Variants in CCNL2 observed in about 807,000 individuals in gnomAD.
CCNL2 encodes cyclin L2.
CCNL2 carries 28 observed loss-of-function variants against 59.1 expected under a neutral mutation model. That is an observed-to-expected ratio of 0.47 (90% CI 0.35 to 0.65). The LOEUF (loss-of-function observed/expected upper bound fraction) is 0.65. Ranked by LOEUF, CCNL2 falls within the 30% of genes least tolerant of loss-of-function variation. The pLI, the probability that CCNL2 is intolerant of heterozygous loss-of-function variation, is 0.00. For synonymous variants in CCNL2, 342 were observed against 288.6 expected, an observed-to-expected ratio of 1.19 and a Z score of -1.88; for missense variants, 714 against 717.4, an observed-to-expected ratio of 1.00 and a Z score of 0.05.
intron 5 of CCNL2, chr1:1,391,662 A>C: frequency 1.4e-6 from 1 of 710,474 alleles, no homozygotes; most frequent in Non-Finnish European, 2.1e-6. Flanking sequence ...TGAACATTTC[A>C]TCACAGTACA....
Position 1,399,320 on chromosome 1 carries a change from C to A in CCNL2, c.-14G>T. On this transcript the variant is annotated 5_prime_UTR_variant, in exon 1 of 11. Coordinates refer to ENST00000400809, the MANE Select transcript of CCNL2 (RefSeq NM_030937.6). ...CGCCGCCGCCATTTTGTGCCGCCGA[C>A]TCCCCTTCGGCTTCTTCCCTCAGGG... 7.0e-7 allele frequency: 1 copy of A among 1,437,904 alleles called. No individual in the cohort carries two copies. Among genetic ancestry groups the A allele is most frequent in the Non-Finnish European group, 9.1e-7 (1 of 1,104,946 alleles). 89.1% of individuals were successfully genotyped at this position (1,437,904 alleles called of 1,614,324 possible).
intron 4 of CCNL2, among the ~76,000 whole-genome samples, chr1:1,393,946 G>C (rs758402997): frequency 6.6e-6 from 1 of 152,074 alleles, no homozygotes; most frequent in Admixed American, 6.6e-5. Flanking sequence ...GACCAATATG[G>C]AGAAACCCAG....
At position 1,387,026 on chromosome 1, in the gene CCNL2, T is replaced by G. The variant is rs1199201092; in HGVS notation, c.*205A>C. 18 of 556,668 alleles carry G rather than the reference T, an allele frequency of 3.2e-5. No homozygotes were observed. Among genetic ancestry groups the G allele is most frequent in the Non-Finnish European group, 5.4e-5 (17 of 315,050 alleles). 34.5% of individuals were successfully genotyped at this position (556,668 alleles called of 1,614,324 possible). On this transcript the variant is annotated 3_prime_UTR_variant, in exon 11 of 11. Coordinates refer to ENST00000400809, the MANE Select transcript of CCNL2 (RefSeq NM_030937.6). The stretch of plus-strand genomic sequence containing the variant: ...GTGTGCGCCGCACCCCAGACCGGTC[T>G]GAAGCACGTGTCACCGGTCCCTCAG...
intron 1 of CCNL2, 149 bp downstream of exon 1, chr1:1,398,870 C>A (rs1021677495): frequency 1.4e-6 from 2 of 1,385,682 alleles, no homozygotes; most frequent in African/African-American, 1.5e-5. Flanking sequence ...GGGGCATGGG[C>A]TGGCTAGGGA....
chr1:1,391,915 T>G (rs1157646921), intron 5 of CCNL2: 1 of 229,784 alleles, frequency 4.4e-6, no homozygotes, highest in Admixed American at 5.5e-5. Context: ...CGGGGAGCCT[T>G]GGAGTGGGGC....
rs765606459 is a variant in CCNL2 at position 1,387,819 on chromosome 1, C to T, written c.1169G>A (p.Ser390Asn). 3 of 1,613,400 alleles carry T rather than the reference C, an allele frequency of 1.9e-6. No homozygotes were observed. The highest frequency in any genetic ancestry group is 2.5e-6 in the Non-Finnish European group (3 of 1,179,870). Residue 390 changes from serine to asparagine, a missense_variant, in exon 10 of 11, where the codon AGC (serine) becomes AAC (asparagine). Coordinates refer to ENST00000400809, the MANE Select transcript of CCNL2 (RefSeq NM_030937.6). ...SRSRSRSREQSYSRSPSRSAS... is the reference protein window; with the variant it reads ...SRSRSRSREQNYSRSPSRSAS... ...TGATCGGGATGGGGACCTCGAGTAG[C>T]TCTGCTCACGGCTCCGGCTCCGACT...
intron 5 of CCNL2, chr1:1,393,176 G>T: frequency 3.4e-6 from 2 of 589,056 alleles, no homozygotes; most frequent in Non-Finnish European, 6.0e-6. Context: ...GGGGACACAG[G>T]AAGTCCAGGC....
chr1:1,396,693 C>T (rs1645049252), intron 3 of CCNL2, among the ~76,000 whole-genome samples: 1 of 150,892 alleles, frequency 6.6e-6, no homozygotes, highest in African/African-American at 2.4e-5. Flanking sequence ...GATTCTCCTG[C>T]CTCACCCTCC....
At chr1:1,388,261 G>A (rs909242867) in intron 8 of CCNL2, 196 bp from the exon 9 acceptor site, 33 of 580,532 alleles carry the variant, frequency 5.7e-5, no homozygotes, top group South Asian at 4.0e-4. Context: ...GGGGGCTCAC[G>A]CCTGTGAGCC....
Position 1,386,988 on chromosome 1 carries a change from T to TG in CCNL2, c.*242dup. On this transcript the variant is annotated 3_prime_UTR_variant, in exon 11 of 11. Transcript: ENST00000400809. ...TCAGAGCTGCTGCCGAGCTGAGCCC[T>TG]GCACGGGCCCAGGTGTGCGCCGCAC... The TG allele has an allele frequency of 2.2e-6, 1 of 459,270 alleles. No individual in the cohort carries two copies. Among genetic ancestry groups the TG allele is most frequent in the Non-Finnish European group, 3.9e-6 (1 of 259,554 alleles). 28.4% of individuals were successfully genotyped at this position (459,270 alleles called of 1,614,324 possible). A position where few individuals can be genotyped will look rare whatever the true frequency, so the allele number is the denominator to read the frequency against.
At chr1:1,392,300 A>G in intron 5 of CCNL2, 2 of 970,182 alleles carry the variant, frequency 2.1e-6, no homozygotes, top group Non-Finnish European at 2.5e-6. Context: ...ATATAAACTT[A>G]TTGCTGTATT....
At chr1:1,393,258 A>G (rs1431094955) in intron 5 of CCNL2, 138 bp downstream of exon 5, 2 of 718,520 alleles carry the variant, frequency 2.8e-6, no homozygotes, top group Non-Finnish European at 5.0e-6. Context: ...GAATTTATAC[A>G]GCAGGAGCAC....
At chr1:1,390,593 CTT>C (rs778813125) in intron 6 of CCNL2, 30 bp from the exon 7 acceptor site, 1 of 1,567,170 alleles carries the variant, frequency 6.4e-7, no homozygotes, top group Non-Finnish European at 8.8e-7. Context: ...CATCATTACA[CTT>C]TCCTCAACTT....
Position 1,390,451 on chromosome 1 carries a change from C to T in CCNL2, c.864+8G>A, listed in dbSNP as rs377432437. ...ACGCATACGTTACATGAAAAAATGCCGAAGAACCTTTTTCCGAGCATAAAG... is the reference window on the plus strand; with the variant it reads ...ACGCATACGTTACATGAAAAAATGCTGAAGAACCTTTTTCCGAGCATAAAG... On this transcript the variant is annotated splice_region_variant and intron_variant, in intron 7 of 10. Coordinates refer to ENST00000400809, the MANE Select transcript of CCNL2 (RefSeq NM_030937.6). The T allele has an allele frequency of 1.1e-5, 18 of 1,612,450 alleles. No individual in the cohort carries two copies. The highest frequency in any genetic ancestry group is 2.2e-5 in the East Asian group (1 of 44,888).
At chr1:1,398,452 A>G (rs536442650) in intron 2 of CCNL2, 110 bp from the exon 3 acceptor site, 75 of 1,536,646 alleles carry the variant, frequency 4.9e-5, no homozygotes, top group South Asian at 7.3e-5. Context: ...CACCCAGGGG[A>G]AAAAAAAAGT....
At chr1:1,393,501 A>C in intron 4 of CCNL2, 41 bp from the exon 5 acceptor site, 1 of 1,562,882 alleles carries the variant, frequency 6.4e-7, no homozygotes, top group Non-Finnish European at 8.8e-7. Flanking sequence ...AAGAACCTTA[A>C]GAGCCCAGAA....
chr1:1,396,683 G>A (rs1024931858), intron 3 of CCNL2, among the ~76,000 whole-genome samples: 8 of 143,766 alleles, frequency 5.6e-5, no homozygotes, highest in African/African-American at 1.8e-4. Flanking sequence ...CGGTTCCAGC[G>A]ATTCTCCTGC....
Position 1,387,374 on chromosome 1 carries a change from GTGACC to G in CCNL2, c.1415_1419del (p.Arg472ThrfsTer6). The G allele has an allele frequency of 6.2e-7, 1 of 1,614,178 alleles. No homozygotes were observed. Among genetic ancestry groups the G allele is most frequent in the Non-Finnish European group, 8.5e-7 (1 of 1,180,042 alleles). Reference sequence around the variant, plus strand: ...TTTCCCGGATTATCCGCCCGCTCCCGTGACCTGCTTCGAGAACGGGAAGAACTCCG... The same window carrying G: ...TTTCCCGGATTATCCGCCCGCTCCCGTGCTTCGAGAACGGGAAGAACTCCG... On this transcript the variant is annotated frameshift_variant, in exon 11 of 11. Transcript: ENST00000400809. LOFTEE classifies it high-confidence loss of function.
rs529995764 is a variant in CCNL2, at chr1:1,394,604, C to A, written c.594+790G>T. Among the ~76,000 whole-genome samples the A allele has an allele frequency of 4.0e-5, 6 of 151,828 alleles. No homozygotes were observed. The South Asian group carries it at 1.3e-3, about 32-fold the overall frequency. On this transcript the variant is annotated intron_variant, in intron 4 of 10. Coordinates refer to ENST00000400809, the MANE Select transcript of CCNL2 (RefSeq NM_030937.6). ...ATCTCTACTAAAGATACAAAAATTA[C>A]CCAGGTGTGGTGGCGCATGCCTGTA...
Sources: allele counts gnomAD v4.1 joint callset (sites outside exome capture counted in the v4.1 genomes callset), GRCh38; gene constraint gnomAD v4.1.1; transcripts MANE v1.5; gene names NCBI Gene and HGNC (gene_info 2026-07-23, HGNC 2026-07-21).